The following CDC42SE2 variants were observed in gnomAD, a reference collection of about 807,000 sequenced individuals.
CDC42SE2 encodes the protein CDC42 small effector 2.
Under a neutral mutation model 11.5 loss-of-function variants are expected in CDC42SE2, and 3 were observed. The observed-to-expected ratio is 0.26, with a 90% CI of 0.12 to 0.67. CDC42SE2 has a LOEUF of 0.67. CDC42SE2 is among the 30% of genes least tolerant of loss of function. The pLI is 0.80. For synonymous variants in CDC42SE2, 33 were observed against 34.8 expected, an observed-to-expected ratio of 0.95 and a Z score of 0.18; for missense variants, 82 against 106.8, an observed-to-expected ratio of 0.77 and a Z score of 1.02.
intron 2 of CDC42SE2, among the ~76,000 whole-genome samples, chr5:131,357,865 TGCCAGC>T (rs941797463): frequency 6.6e-6 from 1 of 152,242 alleles, no homozygotes; most frequent in Admixed American, 6.5e-5. Flanking sequence ...AAACTGCTGT[TGCCAGC>T]GCCACACTGT....
the CDC42SE2 span, among the ~76,000 whole-genome samples, chr5:131,232,429 T>C: frequency 6.6e-6 from 1 of 152,090 alleles, no homozygotes; most frequent in Non-Finnish European, 1.5e-5. Flanking sequence ...CCTATTCTTT[T>C]AGTGGTTACC....
chr5:131,354,071 C>A (rs928781079), intron 2 of CDC42SE2, among the ~76,000 whole-genome samples: 1 of 151,912 alleles, frequency 6.6e-6, no homozygotes, highest in African/African-American at 2.4e-5. Flanking sequence ...GAGACCTTGT[C>A]TCTACAAAAA....
At chr5:131,295,990 A>G (rs1244675635) in intron 1 of CDC42SE2, among the ~76,000 whole-genome samples, 1 of 152,034 alleles carries the variant, frequency 6.6e-6, no homozygotes, top group Non-Finnish European at 1.5e-5. Context: ...CGGCCAACAC[A>G]TTTCTTTTTA....
chr5:131,214,999 T>C, the CDC42SE2 span, among the ~76,000 whole-genome samples: 2 of 152,210 alleles, frequency 1.3e-5, no homozygotes, highest in Non-Finnish European at 2.9e-5. Flanking sequence ...TAAAGCTGAG[T>C]GTTTCTCTTC....
At chr5:131,271,699 T>C (rs559985769) in intron 1 of CDC42SE2, among the ~76,000 whole-genome samples, 1 of 152,342 alleles carries the variant, frequency 6.6e-6, no homozygotes, top group South Asian at 2.1e-4. Flanking sequence ...ACCTCTTTGC[T>C]GTCCCAAGAC....
In CDC42SE2 at chr5:131,391,140, C is replaced by T. The variant is rs756845386; in HGVS notation, c.*49C>T. ...ACTCAGAGCTGGGGTCTGGACCTGA[C>T]GGCCAGACATGGCCAGGCCAATAAT... On this transcript the variant is annotated 3_prime_UTR_variant, in exon 5 of 5. Coordinates refer to ENST00000505065, the MANE Select transcript of CDC42SE2 (RefSeq NM_001375635.1). 64 of 1,320,424 alleles carry T rather than the reference C, an allele frequency of 4.8e-5. 1 individual carries two copies. Among genetic ancestry groups the T allele is most frequent in the African/African-American group, 2.5e-4 (17 of 68,518 alleles). The allele number at this position is 1,320,424 out of a possible 1,614,324, so 81.8% of individuals were successfully genotyped here. A position where few individuals can be genotyped will look rare whatever the true frequency, so the allele number is the denominator to read the frequency against.
intron 2 of CDC42SE2, among the ~76,000 whole-genome samples, chr5:131,337,753 T>G (rs1758609398): frequency 6.6e-6 from 1 of 152,200 alleles, no homozygotes; most frequent in South Asian, 2.1e-4. Context: ...TCCGTGAGGG[T>G]AGGACCCTCT....
At chr5:131,346,098 C>A (rs79146003) in intron 2 of CDC42SE2, among the ~76,000 whole-genome samples, 36 of 152,278 alleles carry the variant, frequency 2.4e-4, no homozygotes, top group African/African-American at 7.5e-4. Context: ...CATCAACTAA[C>A]GAGCAAAATA....
chr5:131,218,300 T>C, the CDC42SE2 span, among the ~76,000 whole-genome samples: 2 of 151,942 alleles, frequency 1.3e-5, no homozygotes, highest in South Asian at 4.1e-4. Flanking sequence ...AGGTGTTCAA[T>C]GATATTAATC....
Position 131,294,988 on chromosome 5 carries a change from G to A in CDC42SE2, c.-454-20988G>A, listed in dbSNP as rs189495841. 6.1e-3 allele frequency among the ~76,000 whole-genome samples: 924 copies of A among 152,180 alleles called. 4 individuals are homozygous for A. The highest frequency in any genetic ancestry group is 0.024 in the Middle Eastern group (7 of 294). ...TAGAAATACAAAAAATTAGCCAGGC[G>A]TGATGGCATGCACCTGTAGTCCCAG... On this transcript the variant is annotated intron_variant, in intron 1 of 4. Transcript: ENST00000505065.
intron 4 of CDC42SE2, among the ~76,000 whole-genome samples, chr5:131,388,633 C>T (rs1750559265): frequency 6.6e-6 from 1 of 152,160 alleles, no homozygotes; most frequent in South Asian, 2.1e-4. Context: ...AGTAATACAA[C>T]CTTGCGTTAA....
intron 3 of CDC42SE2, among the ~76,000 whole-genome samples, chr5:131,373,268 GGAGA>G (rs1750061689): frequency 6.6e-6 from 1 of 152,144 alleles, no homozygotes; most frequent in Non-Finnish European, 1.5e-5. Flanking sequence ...AGAGTGAAGA[GGAGA>G]GAGAACCGTG....
intron 2 of CDC42SE2, among the ~76,000 whole-genome samples, chr5:131,331,544 G>A (rs866034496): frequency 2.2e-4 from 34 of 152,204 alleles, no homozygotes; most frequent in African/African-American, 7.5e-4. Context: ...ATTTGTCAAA[G>A]TATATAGTGA....
chr5:131,276,663 A>G (rs1561569018), intron 1 of CDC42SE2, among the ~76,000 whole-genome samples: 2 of 151,806 alleles, frequency 1.3e-5, no homozygotes. Flanking sequence ...GTGTGTATAT[A>G]TATCTTTACA....
At chr5:131,255,285 CATT>C (rs1169016963) in intron 2 of CDC42SE2, 2 of 151,930 alleles carry the variant, frequency 1.3e-5, no homozygotes, top group Non-Finnish European at 2.9e-5. Context: ...TAAAATATAT[CATT>C]AATACATTTT....
chr5:131,387,481 G>T (rs948398906), intron 4 of CDC42SE2, among the ~76,000 whole-genome samples: 7 of 152,134 alleles, frequency 4.6e-5, no homozygotes, highest in East Asian at 3.8e-4. Flanking sequence ...AACCTGGGAG[G>T]GGGGAGGTTG....
Position 131,264,186 on chromosome 5 carries a change from C to G in CDC42SE2, c.-455+20C>G, listed in dbSNP as rs1304614182. Reference sequence around the variant, plus strand: ...GCGACGGTGAGTGCAATGCCAGCCCCAGTCGCGCGTCGGCCGCCACGCCTC... The same window carrying G: ...GCGACGGTGAGTGCAATGCCAGCCCGAGTCGCGCGTCGGCCGCCACGCCTC... On this transcript the variant is annotated intron_variant, in intron 1 of 4. Transcript: ENST00000505065. 1 of 152,186 alleles carries G rather than the reference C, an allele frequency of 6.6e-6. No individual in the cohort carries two copies. Among genetic ancestry groups the G allele is most frequent in the Admixed American group, 6.5e-5 (1 of 15,278 alleles). 9.4% of individuals were successfully genotyped at this position (152,186 alleles called of 1,614,324 possible).
intron 1 of CDC42SE2, among the ~76,000 whole-genome samples, chr5:131,294,384 C>A (rs1354214557): frequency 6.6e-6 from 1 of 152,042 alleles, no homozygotes; most frequent in African/African-American, 2.4e-5. Context: ...GTATGTTGTC[C>A]CTTTTCTGGG....
intron 1 of CDC42SE2, among the ~76,000 whole-genome samples, chr5:131,290,619 A>G (rs1029897983): frequency 1.3e-5 from 2 of 151,404 alleles, no homozygotes; most frequent in African/African-American, 2.4e-5. Flanking sequence ...AGCAGAGACT[A>G]CAGGCTGGCA....
Sources: allele counts gnomAD v4.1 joint callset (sites outside exome capture counted in the v4.1 genomes callset), GRCh38; gene constraint gnomAD v4.1.1; transcripts MANE v1.5; gene names NCBI Gene and HGNC (gene_info 2026-07-23, HGNC 2026-07-21).